Variants in RGS6 observed in about 807,000 individuals in gnomAD.
RGS6 encodes the protein regulator of G protein signaling 6, also known as regulator of G-protein signaling 6.
RGS6 carries 30 observed loss-of-function variants against 78.5 expected under a neutral mutation model. The ratio of observed to expected loss-of-function variants is 0.38; its 90% CI spans 0.29 to 0.52. The LOEUF is 0.52. RGS6 is among the 20% of genes least tolerant of loss of function. The pLI is 0.85. For synonymous variants in RGS6, 206 were observed against 206.0 expected (o/e 1.00, Z 0.00); for missense variants, 495 against 609.7 (o/e 0.81, Z 1.98).
chr14:72,217,778 CTTGT>C (rs1240918865), intron 2 of RGS6, among the ~76,000 whole-genome samples: 1 of 152,048 alleles, frequency 6.6e-6, no homozygotes, highest in African/African-American at 2.4e-5. Flanking sequence ...TTTTGCTTCT[CTTGT>C]TTGTTTTTAT....
chr14:72,024,257 C>G (rs1429101715), intron 2 of RGS6, among the ~76,000 whole-genome samples: 2 of 152,198 alleles, frequency 1.3e-5, no homozygotes, highest in African/African-American at 2.4e-5. Context: ...GACTCAGAAC[C>G]TTGCCCCTGT....
intron 2 of RGS6, among the ~76,000 whole-genome samples, chr14:72,143,384 CA>C (rs1178745587): frequency 2.0e-5 from 3 of 151,942 alleles, no homozygotes; most frequent in African/African-American, 7.3e-5. Flanking sequence ...AAAAAAAACA[CA>C]AAAAACTGTC....
At chr14:72,473,374 G>A (rs1279672179) in intron 9 of RGS6, among the ~76,000 whole-genome samples, 1 of 152,216 alleles carries the variant, frequency 6.6e-6, no homozygotes, top group Non-Finnish European at 1.5e-5. Context: ...AACCCGGGAG[G>A]CGGAGCTTGC....
chr14:72,036,304 G>A (rs190165862), intron 2 of RGS6, among the ~76,000 whole-genome samples: 1 of 148,182 alleles, frequency 6.7e-6, no homozygotes, highest in African/African-American at 2.6e-5. Context: ...TTCACCCATT[G>A]TAGAGCATTT....
chr14:72,280,385 T>G (rs908426763), intron 2 of RGS6, among the ~76,000 whole-genome samples: 7 of 152,212 alleles, frequency 4.6e-5, no homozygotes, highest in Non-Finnish European at 7.3e-5. Context: ...CATGTATAAT[T>G]TATAGCACCT....
At chr14:72,023,701 C>T (rs2089229318) in intron 2 of RGS6, among the ~76,000 whole-genome samples, 1 of 152,204 alleles carries the variant, frequency 6.6e-6, no homozygotes, top group Non-Finnish European at 1.5e-5. Context: ...GAATGACATC[C>T]TCTTCCTAAT....
At chr14:72,162,469 G>A (rs1328312811) in intron 2 of RGS6, among the ~76,000 whole-genome samples, 1 of 152,122 alleles carries the variant, frequency 6.6e-6, no homozygotes, top group Non-Finnish European at 1.5e-5. Flanking sequence ...GGATGATGGG[G>A]TTGGGCATGT....
intron 3 of RGS6, among the ~76,000 whole-genome samples, chr14:72,427,481 G>A (rs367723594): frequency 6.6e-6 from 1 of 152,162 alleles, no homozygotes; most frequent in Non-Finnish European, 1.5e-5. Context: ...GTTGCATTGA[G>A]CAAAGTGAGG....
At chr14:72,067,978 G>A (rs571308372) in intron 2 of RGS6, among the ~76,000 whole-genome samples, 23 of 152,098 alleles carry the variant, frequency 1.5e-4, no homozygotes, top group Non-Finnish European at 3.4e-4. Context: ...TCATGTGTGC[G>A]TTAAAGATCA....
rs768653314 is a variant in RGS6 at position 72,495,236 on chromosome 14, C to T, written c.939C>T (p.Asp313=). The T allele has an allele frequency of 2.0e-5, 32 of 1,612,784 alleles. No individual in the cohort carries two copies. The highest frequency in any genetic ancestry group is 1.2e-4 in the Admixed American group (7 of 59,990). ...CATCCAACCCTTGGATCAGCGATGA[C>T]GTTGCTTTGTGGGACATAGAGATGA... ...AEPSNPWISD[D]VALWDIEMSK... The change falls in exon 13 of 18, where the codon GAC becomes GAT. Residue 313 remains aspartate, a synonymous_variant. Coordinates refer to ENST00000553525, the MANE Select transcript of RGS6 (RefSeq NM_001204424.2).
the RGS6 span, among the ~76,000 whole-genome samples, chr14:71,890,358 C>CAGAGAGAGAG: frequency 0.13 from 16,953 of 132,872 alleles, 1,238 homozygotes; most frequent in South Asian, 0.17. Flanking sequence ...GTGCATAAGA[C>CAGAGAGAGAG]AGAGAGAGAG....
At chr14:72,207,333 T>C (rs2042956303) in intron 2 of RGS6, among the ~76,000 whole-genome samples, 3 of 152,342 alleles carry the variant, frequency 2.0e-5, no homozygotes, top group South Asian at 2.1e-4. Flanking sequence ...GACTTCAATG[T>C]TATGGTTTTT....
At chr14:72,201,466 A>C (rs2041569968) in intron 2 of RGS6, among the ~76,000 whole-genome samples, 2 of 152,210 alleles carry the variant, frequency 1.3e-5, no homozygotes, top group South Asian at 4.1e-4. Context: ...TATCCCCCTC[A>C]TTGACTTCAC....
At chr14:71,944,594 A>G (rs910383381) in intron 1 of RGS6, among the ~76,000 whole-genome samples, 5 of 152,242 alleles carry the variant, frequency 3.3e-5, no homozygotes, top group Admixed American at 2.0e-4. Flanking sequence ...TAGCAAATAG[A>G]TGATGAAGAC....
At chr14:72,465,894 ATTTT>A in intron 7 of RGS6, 72 bp downstream of exon 7, 3 of 1,195,594 alleles carry the variant, frequency 2.5e-6, no homozygotes, top group Non-Finnish European at 3.6e-6. Flanking sequence ...GTCTAAGTTT[ATTTT>A]TTTTTTCTTT....
chr14:72,152,713 T>C (rs1336452314), intron 2 of RGS6, among the ~76,000 whole-genome samples: 1 of 152,142 alleles, frequency 6.6e-6, no homozygotes, highest in African/African-American at 2.4e-5. Flanking sequence ...ATTTAGAAGT[T>C]ATTAATGACT....
chr14:72,111,110 G>A (rs1286469426), intron 2 of RGS6, among the ~76,000 whole-genome samples: 1 of 152,154 alleles, frequency 6.6e-6, no homozygotes, highest in African/African-American at 2.4e-5. Flanking sequence ...ACAGCTCTTG[G>A]AGAAGAGGGC....
chr14:72,432,746 C>T (rs868230501), intron 3 of RGS6, among the ~76,000 whole-genome samples: 1 of 152,142 alleles, frequency 6.6e-6, no homozygotes, highest in African/African-American at 2.4e-5. Flanking sequence ...AGCCATAAAC[C>T]TGGGAAATAA....
chr14:71,975,720 G>A (rs1344281431), intron 2 of RGS6, among the ~76,000 whole-genome samples: 2 of 152,186 alleles, frequency 1.3e-5, no homozygotes, highest in African/African-American at 4.8e-5. Flanking sequence ...GCCTCCCAAA[G>A]TGCTGGGATT....
Sources: gnomAD v4.1 joint callset for allele counts (sites outside exome capture counted in the v4.1 genomes callset) on GRCh38, gnomAD v4.1.1 for gene constraint, MANE v1.5 for transcripts, NCBI Gene and HGNC (gene_info 2026-07-23, HGNC 2026-07-21) for gene names.